Variants in ANK3 observed in about 807,000 individuals in gnomAD.
The protein encoded by ANK3 is ankyrin-3.
In ANK3, 57 loss-of-function variants were observed where a neutral mutation model predicts 370.9. The ratio of observed to expected loss-of-function variants is 0.15; its 90% confidence interval spans 0.12 to 0.19. The LOEUF is 0.19. ANK3 is among the 10% of genes least tolerant of loss of function. ANK3 has a pLI of 1.00. For synonymous variants in ANK3, 1,929 were observed against 1,946.3 expected (o/e 0.99, Z 0.23); for missense variants, 4,439 against 5,302.1 (o/e 0.84, Z 5.06).
intron 1 of ANK3, among the ~76,000 whole-genome samples, chr10:60,724,897 G>C (rs1338144552): frequency 6.6e-6 from 1 of 152,166 alleles, no homozygotes; most frequent in Non-Finnish European, 1.5e-5. Flanking sequence ...ACAACGTGTT[G>C]TCTAGTTTTG....
chr10:60,279,545 C>T lies in ANK3; in HGVS notation c.209G>A (p.Cys70Tyr). 3 of 1,607,782 alleles carry T rather than the reference C, an allele frequency of 1.9e-6. No individual in the cohort carries two copies. The highest frequency in any genetic ancestry group is 2.5e-6 in the Non-Finnish European group (3 of 1,178,112). Reference protein sequence around the residue: ...YIKNGVDINICNQNGLNALHL... With the variant: ...YIKNGVDINIYNQNGLNALHL... ...ATAATAACTCCAGCTAACCTGATTGCAAATGTTGATGTCAACTCCATTTTT... is the reference window on the plus strand; with the variant it reads ...ATAATAACTCCAGCTAACCTGATTGTAAATGTTGATGTCAACTCCATTTTT... Residue 70 changes from cysteine to tyrosine, a missense_variant, in exon 2 of 44, where the codon TGC (cysteine) becomes TAC (tyrosine). By Grantham distance (194) the Cys-to-Tyr change is radical. Transcript: ENST00000280772.
chr10:60,098,406 A>C (rs2090551560), intron 28 of ANK3, among the ~76,000 whole-genome samples: 1 of 152,226 alleles, frequency 6.6e-6, no homozygotes, highest in Non-Finnish European at 1.5e-5. Flanking sequence ...AGTTGGGAGA[A>C]ATGAAGAAAA....
At chr10:60,599,618 T>C (rs1408690932) in intron 2 of ANK3, among the ~76,000 whole-genome samples, 2 of 152,182 alleles carry the variant, frequency 1.3e-5, no homozygotes, top group Non-Finnish European at 2.9e-5. Context: ...GTTACTGCCC[T>C]AGTACAACCC....
chr10:60,384,973 C>T (rs2062047317), intron 1 of ANK3, among the ~76,000 whole-genome samples: 1 of 152,130 alleles, frequency 6.6e-6, no homozygotes, highest in Non-Finnish European at 1.5e-5. Flanking sequence ...GCATTTCGTG[C>T]CTGGATCCCC....
intron 2 of ANK3, among the ~76,000 whole-genome samples, chr10:60,486,044 A>G (rs1407034078): frequency 6.6e-6 from 1 of 152,140 alleles, no homozygotes; most frequent in South Asian, 2.1e-4. Flanking sequence ...TCCCTCAAAA[A>G]GAATGGAACG....
At position 60,418,132 on chromosome 10, in the gene ANK3, C is replaced by A. The variant is rs183544618; in HGVS notation, c.97-138493G>T. 1.3e-4 allele frequency among the ~76,000 whole-genome samples: 20 copies of A among 152,260 alleles called. No individual in the cohort carries two copies. In the East Asian group the frequency reaches 3.5e-3, roughly 26 times the overall value. Reference sequence around the variant, plus strand: ...TTCCTGAGATGGACTATTGCAGCAGCCTGCAAGCTGTCTTACCTCTAATGC... The same window carrying A: ...TTCCTGAGATGGACTATTGCAGCAGACTGCAAGCTGTCTTACCTCTAATGC... On this transcript the variant is annotated intron_variant, in intron 2 of 43. Transcript: ENST00000373827.
chr10:60,515,357 C>A (rs2076192938), intron 2 of ANK3, among the ~76,000 whole-genome samples: 1 of 152,072 alleles, frequency 6.6e-6, no homozygotes, highest in South Asian at 2.1e-4. Context: ...GCTGGCCTAG[C>A]ATGAAATGAA....
At chr10:60,110,332 T>A (rs891786494) in intron 26 of ANK3, among the ~76,000 whole-genome samples, 4 of 152,130 alleles carry the variant, frequency 2.6e-5, no homozygotes, top group Non-Finnish European at 5.9e-5. Context: ...TTTTTCAGCC[T>A]ATCAGATTCC....
At chr10:60,080,733 A>G (rs2085001335) in intron 35 of ANK3, 115 bp from the exon 36 acceptor site, 2 of 911,264 alleles carry the variant, frequency 2.2e-6, no homozygotes, top group Middle Eastern at 2.5e-4. Flanking sequence ...CTTCTTAGGA[A>G]ATGTTAATTT....
At chr10:60,514,788 G>A (rs1411601175) in intron 2 of ANK3, among the ~76,000 whole-genome samples, 1 of 152,022 alleles carries the variant, frequency 6.6e-6, no homozygotes, top group East Asian at 1.9e-4. Context: ...AAAAACTAGT[G>A]AATATGTTTC....
At chr10:60,185,885 T>G (rs16914587) in intron 17 of ANK3, among the ~76,000 whole-genome samples, 18,088 of 152,204 alleles carry the variant, frequency 0.12, 1,447 homozygotes, top group African/African-American at 0.22. Context: ...GACAAAACTC[T>G]AGTCTTTTCT....
intron 7 of ANK3, among the ~76,000 whole-genome samples, chr10:60,235,621 A>C (rs1224416143): frequency 1.4e-5 from 2 of 139,338 alleles, no homozygotes; most frequent in African/African-American, 5.5e-5. Flanking sequence ...GGCTGGTCTC[A>C]AATTCCCGAG....
intron 2 of ANK3, among the ~76,000 whole-genome samples, chr10:60,608,904 C>T (rs1449400094): frequency 6.6e-6 from 1 of 152,134 alleles, no homozygotes. Flanking sequence ...AACTGTAAAG[C>T]ATCTTTTCCT....
chr10:60,421,864 C>T (rs1048205957), intron 2 of ANK3, among the ~76,000 whole-genome samples: 2 of 152,012 alleles, frequency 1.3e-5, no homozygotes, highest in Admixed American at 6.6e-5. Context: ...TCAAAACCTA[C>T]AGGCTTTAGT....
In ANK3 at chr10:60,602,879, C is replaced by A. The variant is rs545174453; in HGVS notation, c.96+12307G>T. ...CTAATATATAGCTATTACTTTATTA[C>A]AATTTTTAAATTTTTCAATAATGAT... On this transcript the variant is annotated intron_variant, in intron 2 of 43. Transcript: ENST00000373827. Among the ~76,000 whole-genome samples the A allele has an allele frequency of 2.2e-4, 34 of 152,162 alleles. No individual in the cohort carries two copies. In the South Asian group the frequency reaches 6.8e-3, roughly 31 times the overall value.
At chr10:60,493,043 G>T (rs1244509497) in intron 2 of ANK3, among the ~76,000 whole-genome samples, 1 of 144,966 alleles carries the variant, frequency 6.9e-6, no homozygotes, top group Non-Finnish European at 1.5e-5. Flanking sequence ...TTGTGTCACT[G>T]CACTCCAGCC....
At chr10:60,421,711 A>C (rs2063783253) in intron 2 of ANK3, among the ~76,000 whole-genome samples, 1 of 152,036 alleles carries the variant, frequency 6.6e-6, no homozygotes, top group South Asian at 2.1e-4. Flanking sequence ...GGGTGTGTTA[A>C]TCAGGCACAA....
intron 28 of ANK3, among the ~76,000 whole-genome samples, chr10:60,104,357 C>CAAAAAAAAAAAAAAAAAAAAAA (rs747064489): frequency 3.7e-5 from 2 of 53,726 alleles, no homozygotes; most frequent in South Asian, 1.1e-3. Context: ...GACTCCATCT[C>CAAAAAAAAAAAAAAAAAAAAAA]AAAAAAAAAA....
intron 23 of ANK3, chr10:60,140,064 A>T: frequency 2.1e-6 from 1 of 475,178 alleles, no homozygotes; most frequent in Non-Finnish European, 3.7e-6. Flanking sequence ...TAAGTGATTC[A>T]TTCCCCCAGA....
Sources: allele counts gnomAD v4.1 joint callset (sites outside exome capture counted in the v4.1 genomes callset), GRCh38; gene constraint gnomAD v4.1.1; transcripts MANE v1.5; gene names NCBI Gene and HGNC (gene_info 2026-07-23, HGNC 2026-07-21).